TAGAP: variants seen among roughly 807,000 people sequenced by gnomAD.
TAGAP encodes T cell activation RhoGTPase activating protein.
TAGAP carries 16 observed loss-of-function variants against 36.0 expected under a neutral mutation model. That is an observed-to-expected ratio of 0.44 (90% confidence interval 0.30 to 0.68). The LOEUF (loss-of-function observed/expected upper bound fraction) is 0.68, where lower values mean the gene tolerates loss of function less well. TAGAP is among the 30% of genes least tolerant of loss of function. The pLI, the probability that TAGAP is intolerant of heterozygous loss-of-function variation, is 0.09. For missense variants in TAGAP, 794 were observed against 921.5 expected (o/e 0.86, Z 1.79); for synonymous variants, 372 against 377.4 (o/e 0.99, Z 0.17).
At position 159,036,188 on chromosome 6, in the gene TAGAP, C is replaced by G. The variant is rs560184096; in HGVS notation, c.1835G>C (p.Ser612Thr). 6.2e-7 allele frequency: 1 copy of G among 1,611,346 alleles called. No homozygotes were observed. Among genetic ancestry groups the G allele is most frequent in the Non-Finnish European group, 8.5e-7 (1 of 1,178,884 alleles). ...CACCGTCATGCTCCCCACGGTCTGG[C>G]TCTCGGAGGCCACTAGTCTGGCTGC... Reference protein sequence around the residue: ...GPAARLVASESQTVGSMTVGS... With the variant: ...GPAARLVASETQTVGSMTVGS... The change falls in exon 10 of 10, where the codon AGC (serine) becomes ACC (threonine). Residue 612 changes from serine to threonine, a missense_variant. Coordinates refer to ENST00000367066, the MANE Select transcript of TAGAP (RefSeq NM_054114.5). This position sits in a 1 kb window ranked among gnomAD's most constrained non-coding sequence, Gnocchi z 4.9.
At position 159,041,927 on chromosome 6, in the gene TAGAP, G is replaced by C; in HGVS notation, c.315+151C>G. On this transcript the variant is annotated intron_variant, in intron 5 of 9. Transcript: ENST00000367066. The surrounding 1 kb of genome is among the most constrained non-coding windows in gnomAD (Gnocchi z 4.1). ...GAAGCAGTCAGATATTCTTCTGACT[G>C]CACGCGTATGTGGGAGTGCCATGTT... 1 of 817,964 alleles carries C rather than the reference G, an allele frequency of 1.2e-6. No homozygotes were observed. The highest frequency in any genetic ancestry group is 2.0e-6 in the Non-Finnish European group (1 of 511,542). The allele number at this position is 817,964 out of a possible 1,614,324, so 50.7% of individuals were successfully genotyped here. A position where few individuals can be genotyped will look rare whatever the true frequency, so the allele number is the denominator to read the frequency against.
Position 159,035,854 on chromosome 6 carries a change from G to C in TAGAP, c.2169C>G (p.Phe723Leu). 8 of 1,604,186 alleles carry C rather than the reference G, an allele frequency of 5.0e-6. No homozygotes were observed. Among genetic ancestry groups the C allele is most frequent in the Non-Finnish European group, 6.0e-6 (7 of 1,171,806 alleles). Reference sequence around the variant, plus strand: ...AAATATACGATTCTTTGGCATATTGGAATTGGTCAGCCTCAAAGACCGGCT... The same window carrying C: ...AAATATACGATTCTTTGGCATATTGCAATTGGTCAGCCTCAAAGACCGGCT... ...CSQPVFEADQ[F>L]QYAKESYI Residue 723 changes from phenylalanine to leucine, a missense_variant, in exon 10 of 10, where the codon TTC becomes TTG. By Grantham distance (22) the Phe-to-Leu change is conservative. Coordinates refer to ENST00000367066, the MANE Select transcript of TAGAP (RefSeq NM_054114.5).
At chr6:159,038,250 T>C (rs777842090) in intron 8 of TAGAP, 22 bp from the exon 9 acceptor site, 1 of 1,381,864 alleles carries the variant, frequency 7.2e-7, no homozygotes, top group Non-Finnish European at 1.0e-6. Context: ...AGTAAGCAAT[T>C]TGTCAGCTTG....
chr6:159,039,276 C>T lies in TAGAP; in HGVS notation c.621G>A (p.Leu207=). The change falls in exon 8 of 10, where the codon CTG becomes CTA. Residue 207 remains leucine, a synonymous_variant. Coordinates refer to ENST00000367066, the MANE Select transcript of TAGAP (RefSeq NM_054114.5). The part of the protein sequence containing the change: ...VADKLPRPNL[L]LLKHLVYVLH... The stretch of plus-strand genomic sequence containing the variant: ...GCACATAGACCAAGTGCTTGAGTAG[C>T]AGGAGGTTGGGCCGGGGGAGCTTAT... The T allele has an allele frequency of 1.2e-6, 2 of 1,613,608 alleles. No homozygotes were observed. Among genetic ancestry groups the T allele is most frequent in the Non-Finnish European group, 1.7e-6 (2 of 1,179,924 alleles).
intron 3 of TAGAP, 91 bp downstream of exon 3, chr6:159,043,887 A>G: frequency 1.7e-6 from 2 of 1,208,836 alleles, no homozygotes; most frequent in Admixed American, 4.1e-5. Context: ...TACTCTTATA[A>G]TTACTATTCA....
chr6:159,041,196 G>T lies in TAGAP; in HGVS notation c.477+158C>A. On this transcript the variant is annotated intron_variant, in intron 6 of 9. Coordinates refer to ENST00000367066, the MANE Select transcript of TAGAP (RefSeq NM_054114.5). The surrounding 1 kb of genome is among the most constrained non-coding windows in gnomAD (Gnocchi z 4.1). ...AATCTGAGGTCACAGAAACAGAGGT[G>T]CTTACTAAATAAATAAATAAAGGGC... 3.4e-6 allele frequency: 3 copies of T among 888,930 alleles called. No individual in the cohort carries two copies. The highest frequency in any genetic ancestry group is 3.4e-6 in the Non-Finnish European group (2 of 592,824). 55.1% of individuals were successfully genotyped at this position (888,930 alleles called of 1,614,324 possible).
At position 159,034,826 on chromosome 6, in the gene TAGAP, C is replaced by T. The variant is rs932580143; in HGVS notation, c.*1001G>A. 1 of 152,050 alleles carries T rather than the reference C, an allele frequency of 6.6e-6. No individual in the cohort carries two copies. The highest frequency in any genetic ancestry group is 1.5e-5 in the Non-Finnish European group (1 of 68,000). The allele number at this position is 152,050 out of a possible 1,614,324, so 9.4% of individuals were successfully genotyped here. A position where few individuals can be genotyped will look rare whatever the true frequency, so the allele number is the denominator to read the frequency against. On this transcript the variant is annotated 3_prime_UTR_variant, in exon 10 of 10. Coordinates refer to ENST00000367066, the MANE Select transcript of TAGAP (RefSeq NM_054114.5). Reference sequence around the variant, plus strand: ...TAATGGTTTTGCAAATTCTGGAGAACAGGGACTGCTTCTTCCTAAACAAGA... The same window carrying T: ...TAATGGTTTTGCAAATTCTGGAGAATAGGGACTGCTTCTTCCTAAACAAGA...
chr6:159,043,689 A>G, intron 3 of TAGAP, 34 bp from the exon 4 acceptor site: 1 of 1,591,600 alleles, frequency 6.3e-7, no homozygotes, highest in Non-Finnish European at 8.6e-7. Context: ...AAATATAGTG[A>G]CTGAAGAAAC....
rs971883367 is a variant in TAGAP at position 159,041,295 on chromosome 6, G to C, written c.477+59C>G. 2.5e-6 allele frequency: 4 copies of C among 1,585,410 alleles called. No homozygotes were observed. Among genetic ancestry groups the C allele is most frequent in the Non-Finnish European group, 2.6e-6 (3 of 1,164,560 alleles). On this transcript the variant is annotated intron_variant, in intron 6 of 9. Coordinates refer to ENST00000367066, the MANE Select transcript of TAGAP (RefSeq NM_054114.5). The surrounding 1 kb of genome is among the most constrained non-coding windows in gnomAD (Gnocchi z 4.1). ...GAGAAGAGCCTATTTCTTGCATCCT[G>C]AGAATGAGTGTGTCAGGGCCCCTTG...
At position 159,035,035 on chromosome 6, in the gene TAGAP, A is replaced by G. The variant is rs559657252; in HGVS notation, c.*792T>C. On this transcript the variant is annotated 3_prime_UTR_variant, in exon 10 of 10. Transcript: ENST00000367066. Reference sequence around the variant, plus strand: ...GAAGGCAATTTATTGTAGTGAAATTACATTGAAGTTTTATATATGACCCCC... The same window carrying G: ...GAAGGCAATTTATTGTAGTGAAATTGCATTGAAGTTTTATATATGACCCCC... 4.6e-5 allele frequency: 7 copies of G among 152,476 alleles called. No individual in the cohort carries two copies. Among genetic ancestry groups the G allele is most frequent in the African/African-American group, 1.7e-4 (7 of 41,576 alleles). The allele number at this position is 152,476 out of a possible 1,614,324, so 9.4% of individuals were successfully genotyped here. A position where few individuals can be genotyped will look rare whatever the true frequency, so the allele number is the denominator to read the frequency against.
chr6:159,037,392 T>C lies in TAGAP; in HGVS notation c.899-268A>G, dbSNP rs957178629. ...TTAGTAGAGACGGGGTTTCACCATG[T>C]TGGCTAGGCTGTTTTTGAACTCCTG... On this transcript the variant is annotated intron_variant, in intron 9 of 9. Transcript: ENST00000367066. The surrounding 1 kb of genome is among the most constrained non-coding windows in gnomAD (Gnocchi z 5.1). Among the ~76,000 whole-genome samples, 1 of 152,174 alleles carries C rather than the reference T, an allele frequency of 6.6e-6. No homozygotes were observed. The highest frequency in any genetic ancestry group is 2.4e-5 in the African/African-American group (1 of 41,436).
In TAGAP at chr6:159,042,206, G is replaced by A; in HGVS notation, c.187C>T (p.Leu63Phe). 1 of 1,614,154 alleles carries A rather than the reference G, an allele frequency of 6.2e-7. No individual in the cohort carries two copies. Among genetic ancestry groups the A allele is most frequent in the Non-Finnish European group, 8.5e-7 (1 of 1,180,026 alleles). Residue 63 changes from leucine to phenylalanine, a missense_variant, in exon 5 of 10, where the codon CTC (leucine) becomes TTC (phenylalanine). Coordinates refer to ENST00000367066, the MANE Select transcript of TAGAP (RefSeq NM_054114.5). ...KRKKVLSWPFLMRRLSPASDF... is the reference protein window; with the variant it reads ...KRKKVLSWPFFMRRLSPASDF... ...GATGCAGGGGAGAGCCTTCTCATGA[G>A]AAAGGGCCAGGACAGCACCTTCTTT...
intron 7 of TAGAP, 122 bp downstream of exon 7, chr6:159,040,601 G>A (rs917272158): frequency 4.3e-5 from 33 of 774,580 alleles, no homozygotes; most frequent in Non-Finnish European, 6.5e-5. Flanking sequence ...AATTCCACTC[G>A]GATTCCCTAA....
In TAGAP at chr6:159,042,071, C is replaced by T. The variant is rs566625628; in HGVS notation, c.315+7G>A. ...TGAAGTAGGTTTATGAGAGAATGCA[C>T]GCCTACCTGGATGGGTCTGGGGAGT... On this transcript the variant is annotated splice_region_variant and intron_variant, in intron 5 of 9. Transcript: ENST00000367066. The T allele has an allele frequency of 4.4e-5, 70 of 1,607,736 alleles. No individual in the cohort carries two copies. Among genetic ancestry groups the T allele is most frequent in the Admixed American group, 3.6e-4 (21 of 58,262 alleles).
chr6:159,038,268 T>G (rs1324008813), intron 8 of TAGAP, 40 bp from the exon 9 acceptor site: 2 of 504,360 alleles, frequency 4.0e-6, no homozygotes, highest in Admixed American at 8.1e-5. Context: ...TTGAAGACTT[T>G]TTTTTTTTTT....
chr6:159,037,029 G>A lies in TAGAP; in HGVS notation c.994C>T (p.Pro332Ser), dbSNP rs756704870. 2.8e-5 allele frequency: 45 copies of A among 1,613,532 alleles called. No homozygotes were observed. The highest frequency in any genetic ancestry group is 3.6e-5 in the Non-Finnish European group (43 of 1,180,038). ...GCAGCTGTGGCCATGGGCACCTGGG[G>A]CTGCCTGCTGGGAGAGCTGATGCCA... Reference protein sequence around the residue: ...SSGISSPSRQPQVPMATAAGL... With the variant: ...SSGISSPSRQSQVPMATAAGL... The change falls in exon 10 of 10, where the codon CCC (proline) becomes TCC (serine). Residue 332 changes from proline (P) to serine (S), a missense_variant. Coordinates refer to ENST00000367066, the MANE Select transcript of TAGAP (RefSeq NM_054114.5). This position sits in a 1 kb window ranked among gnomAD's most constrained non-coding sequence, Gnocchi z 5.1.
chr6:159,038,953 T>C, intron 8 of TAGAP, 161 bp downstream of exon 8: 1 of 1,467,584 alleles, frequency 6.8e-7, no homozygotes, highest in Non-Finnish European at 9.0e-7. Context: ...TAGATACATG[T>C]ATCTGAGAGA....
Position 159,036,254 on chromosome 6 carries a change from G to C in TAGAP, c.1769C>G (p.Pro590Arg). 6.2e-7 allele frequency: 1 copy of C among 1,612,552 alleles called. No individual in the cohort carries two copies. The highest frequency in any genetic ancestry group is 8.5e-7 in the Non-Finnish European group (1 of 1,179,980). The change falls in exon 10 of 10, where the codon CCT becomes CGT. Residue 590 changes from proline (P) to arginine (R), a missense_variant. Coordinates refer to ENST00000367066, the MANE Select transcript of TAGAP (RefSeq NM_054114.5). The surrounding 1 kb of genome is among the most constrained non-coding windows in gnomAD (Gnocchi z 4.9). ...DVFQGADWER[P>R]GSPPSYEEAM... ...CTCTTCATAAGAGGGTGGGCTTCCAGGCCTCTCCCAGTCAGCTCCCTGGAA... is the reference window on the plus strand; with the variant it reads ...CTCTTCATAAGAGGGTGGGCTTCCACGCCTCTCCCAGTCAGCTCCCTGGAA...
chr6:159,044,361 A>G (rs1779860283), intron 1 of TAGAP, among the ~76,000 whole-genome samples, 157 bp from the exon 2 acceptor site: 1 of 152,232 alleles, frequency 6.6e-6, no homozygotes, highest in Non-Finnish European at 1.5e-5. Context: ...TATTACATAG[A>G]CAAGTTTTCA....
Sources: gnomAD v4.1 joint callset for allele counts (sites outside exome capture counted in the v4.1 genomes callset) on GRCh38, gnomAD v4.1.1 for gene constraint, Gnocchi (gnomAD v3.1) non-coding constraint, MANE v1.5 for transcripts, NCBI Gene and HGNC (gene_info 2026-07-23, HGNC 2026-07-21) for gene names.